DGKH: variants seen among roughly 807,000 people sequenced by gnomAD.
DGKH encodes DAG kinase eta.
DGKH carries 90 observed loss-of-function variants against 159.3 expected under a neutral mutation model. That is an observed-to-expected ratio of 0.57 (90% CI 0.48 to 0.67). The LOEUF is 0.67. DGKH is among the 30% of genes least tolerant of loss of function. The pLI is 0.00. For synonymous variants in DGKH, 536 were observed against 553.8 expected, an observed-to-expected ratio of 0.97 and a Z score of 0.45; for missense variants, 1,181 against 1,506.1, an observed-to-expected ratio of 0.78 and a Z score of 3.57.
At chr13:42,157,752 A>G (rs1176900999) in intron 5 of DGKH, among the ~76,000 whole-genome samples, 1 of 152,144 alleles carries the variant, frequency 6.6e-6, no homozygotes, top group African/African-American at 2.4e-5. Context: ...TATTATCATT[A>G]TTATTATTGT....
intron 1 of DGKH, among the ~76,000 whole-genome samples, chr13:42,072,995 A>G (rs562287600): frequency 4.2e-4 from 64 of 152,170 alleles, no homozygotes; most frequent in Non-Finnish European, 7.8e-4. Context: ...GGGGGCAGGG[A>G]TATTTGTCTA....
intron 1 of DGKH, among the ~76,000 whole-genome samples, chr13:42,051,064 T>G (rs1459053009): frequency 6.6e-6 from 1 of 152,232 alleles, no homozygotes; most frequent in Non-Finnish European, 1.5e-5. Flanking sequence ...ATGCGCTCGT[T>G]GTAATAGCTA....
rs1952987489 is a variant in DGKH, at chr13:42,199,550, T to C, written c.2286-16T>C. 1 of 1,523,988 alleles carries C rather than the reference T, an allele frequency of 6.6e-7. No individual in the cohort carries two copies. Among genetic ancestry groups the C allele is most frequent in the Admixed American group, 2.0e-5 (1 of 49,464 alleles). The allele number at this position is 1,523,988 out of a possible 1,614,324, so 94.4% of individuals were successfully genotyped here. ...ATCTCAAATTGACTTTGATGTACTT[T>C]TCCCTGTGATCATAGAGATGGATAT... On this transcript the variant is annotated splice_polypyrimidine_tract_variant and intron_variant, in intron 18 of 29. Transcript: ENST00000337343.
At chr13:42,174,648 C>T (rs563601374) in intron 12 of DGKH, among the ~76,000 whole-genome samples, 7 of 152,198 alleles carry the variant, frequency 4.6e-5, no homozygotes, top group Non-Finnish European at 7.3e-5. Flanking sequence ...TACCAATACT[C>T]GTGGCCAGAA....
chr13:42,094,475 A>C (rs1359755651), intron 1 of DGKH, among the ~76,000 whole-genome samples: 2 of 152,156 alleles, frequency 1.3e-5, no homozygotes, highest in African/African-American at 2.4e-5. Context: ...TTTGAGAAGC[A>C]TCACGAAGTT....
At chr13:42,169,945 G>A (rs1167141449) in intron 11 of DGKH, among the ~76,000 whole-genome samples, 2 of 152,070 alleles carry the variant, frequency 1.3e-5, no homozygotes, top group African/African-American at 2.4e-5. Flanking sequence ...TGGTACCTAT[G>A]GATATGTTAG....
intron 1 of DGKH, among the ~76,000 whole-genome samples, chr13:42,097,061 T>C (rs550494978): frequency 2.9e-3 from 438 of 152,306 alleles, no homozygotes; most frequent in African/African-American, 1.0e-2. Context: ...TAATAGCTTT[T>C]CCCCAGCCTT....
chr13:42,247,023 TC>T (rs1302195020), downstream of DGKH, among the ~76,000 whole-genome samples: 1 of 152,148 alleles, frequency 6.6e-6, no homozygotes, highest in Non-Finnish European at 1.5e-5. Context: ...GCTGAAAACT[TC>T]CTGTCGCCCA....
rs555090514 is a variant in DGKH at position 42,040,119 on chromosome 13, T to A, written c.-20T>A. 2.6e-5 allele frequency: 4 copies of A among 152,282 alleles called. No homozygotes were observed. In the East Asian group the frequency reaches 7.7e-4, roughly 29 times the overall value. The allele number at this position is 152,282 out of a possible 1,614,324, so 9.4% of individuals were successfully genotyped here. ...GAGTGCGGCTGAGTTTTCGCTCCGC[T>A]GAAGCCGGTTACTGTCCAGTGGGAT... On this transcript the variant is annotated 5_prime_UTR_variant, in exon 1 of 30. Coordinates refer to the DGKH transcript ENST00000379274.
intron 3 of DGKH, among the ~76,000 whole-genome samples, chr13:42,143,211 C>T (rs899793707): frequency 1.3e-5 from 2 of 151,862 alleles, no homozygotes; most frequent in Non-Finnish European, 2.9e-5. Flanking sequence ...TATTGATTTG[C>T]GTATGTTGAA....
rs1958337527 is a variant in DGKH at position 42,233,020 on chromosome 13, A to C, written c.*3832A>C. The C allele has an allele frequency of 6.6e-6, 1 of 152,292 alleles. No individual in the cohort carries two copies. Among genetic ancestry groups the C allele is most frequent in the African/African-American group, 2.4e-5 (1 of 41,450 alleles). The allele number at this position is 152,292 out of a possible 1,614,324, so 9.4% of individuals were successfully genotyped here. ...GTGGCATGCGCCTGTAGTCCCAGCT[A>C]TTCTGAAGGCTGAGGTGGGAGGATT... is the stretch of plus-strand genomic sequence containing the variant. On this transcript the variant is annotated 3_prime_UTR_variant, in exon 30 of 30. Transcript: ENST00000337343.
intron 13 of DGKH, 145 bp from the exon 14 acceptor site, chr13:42,186,904 A>G (rs1021195588): frequency 6.2e-6 from 4 of 645,150 alleles, no homozygotes; most frequent in African/African-American, 5.5e-5. Flanking sequence ...GACAAACTGC[A>G]CAGCAGATAG....
At chr13:42,183,081 G>A (rs1956818771) in intron 13 of DGKH, among the ~76,000 whole-genome samples, 1 of 152,120 alleles carries the variant, frequency 6.6e-6, no homozygotes, top group Non-Finnish European at 1.5e-5. Context: ...TTGAGCCCAG[G>A]AGTTCAAGAC....
chr13:42,052,460 G>T (rs1881393627), intron 1 of DGKH, among the ~76,000 whole-genome samples: 1 of 152,152 alleles, frequency 6.6e-6, no homozygotes, highest in African/African-American at 2.4e-5. Flanking sequence ...ATTTCCCAAA[G>T]ACAAAAAGTC....
rs75939443 is a variant in DGKH, at chr13:42,216,958, T to C, written c.3213+1291T>C. Among the ~76,000 whole-genome samples, 1,199 of 152,358 alleles carry C rather than the reference T, an allele frequency of 7.9e-3. 16 individuals are homozygous for C. The highest frequency in any genetic ancestry group is 0.011 in the Non-Finnish European group (737 of 68,030). ...TACACGAAAAGTACCTGCTGAGTGC[T>C]ACCTTGCTAATATTTATTATTTGTA... On this transcript the variant is annotated intron_variant, in intron 26 of 29. Coordinates refer to ENST00000337343, the MANE Select transcript of DGKH (RefSeq NM_178009.5).
intron 1 of DGKH, among the ~76,000 whole-genome samples, chr13:42,049,371 G>GA (rs1367437432): frequency 1.3e-5 from 2 of 152,336 alleles, no homozygotes; most frequent in Non-Finnish European, 2.9e-5. Flanking sequence ...CCTACTTAGG[G>GA]AACTTAAAAG....
intron 1 of DGKH, among the ~76,000 whole-genome samples, chr13:42,061,075 C>T (rs768248895): frequency 7.9e-5 from 12 of 152,062 alleles, no homozygotes; most frequent in Non-Finnish European, 1.6e-4. Flanking sequence ...GGTCTCCGAG[C>T]AGAAAGGACT....
At chr13:42,195,730 C>T (rs1957189580) in intron 17 of DGKH, 1 of 152,158 alleles carries the variant, frequency 6.6e-6, no homozygotes, top group Admixed American at 6.5e-5. Flanking sequence ...TTTTAGACAA[C>T]ATTGATGTAA....
At chr13:42,210,290 C>T (rs1307360502) in intron 23 of DGKH, among the ~76,000 whole-genome samples, 1 of 151,904 alleles carries the variant, frequency 6.6e-6, no homozygotes, top group Non-Finnish European at 1.5e-5. Context: ...CCTACCTCAG[C>T]CCAGCTAATT....
Sources: allele counts gnomAD v4.1 joint callset (sites outside exome capture counted in the v4.1 genomes callset), GRCh38; gene constraint gnomAD v4.1.1; transcripts MANE v1.5; gene names NCBI Gene and HGNC (gene_info 2026-07-23, HGNC 2026-07-21).